Variants in ELP2 observed in about 807,000 individuals in gnomAD.
The protein encoded by ELP2 is elongator acetyltransferase complex subunit 2.
ELP2 carries 90 observed loss-of-function variants against 119.2 expected under a neutral mutation model. The ratio of observed to expected loss-of-function variants is 0.75; its 90% CI spans 0.64 to 0.90. ELP2 has a LOEUF of 0.90. ELP2 is among the 40% of genes least tolerant of loss of function. ELP2 has a pLI of 0.00. For missense variants in ELP2, 921 were observed against 967.8 expected (o/e 0.95, Z 0.64); for synonymous variants, 339 against 331.0 (o/e 1.02, Z -0.26).
chr18:36,144,591 T>C (rs1015704387), intron 8 of ELP2, among the ~76,000 whole-genome samples: 2 of 152,364 alleles, frequency 1.3e-5, no homozygotes, highest in Non-Finnish European at 2.9e-5. Context: ...TATATTCTTA[T>C]AATGAGTGAG....
rs900281168 is a variant in ELP2, at chr18:36,154,852, A to T, written c.1128A>T (p.Arg376Ser). 5 of 1,613,980 alleles carry T rather than the reference A, an allele frequency of 3.1e-6. No homozygotes were observed. In the African/African-American group the frequency reaches 6.7e-5, roughly 22 times the overall value. The change falls in exon 12 of 22, where the codon AGA (arginine) becomes AGT (serine). Residue 376 changes from arginine (R) to serine (S), a missense_variant and splice_region_variant. Arg to Ser is a moderately radical substitution (Grantham distance 110). Coordinates refer to ENST00000358232, the MANE Select transcript of ELP2 (RefSeq NM_018255.4). ...TGATATGAGCACTTCCATTGCAGAGAGAGTGGACTCCAGAGATTGTCATTT... is the reference window on the plus strand; with the variant it reads ...TGATATGAGCACTTCCATTGCAGAGTGAGTGGACTCCAGAGATTGTCATTT... ...HLWKQNTVNP[R>S]EWTPEIVISG...
intron 11 of ELP2, among the ~76,000 whole-genome samples, chr18:36,148,759 G>A (rs1450663714): frequency 6.6e-6 from 1 of 152,236 alleles, no homozygotes; most frequent in South Asian, 2.1e-4. Flanking sequence ...GCCTGTGGTC[G>A]CAGCTACTTG....
chr18:36,142,403 C>A, intron 7 of ELP2, 56 bp downstream of exon 7: 1 of 1,371,380 alleles, frequency 7.3e-7, no homozygotes, highest in Non-Finnish European at 1.0e-6. Context: ...GTGTTACTTC[C>A]AAGAAAGCAG....
intron 18 of ELP2, among the ~76,000 whole-genome samples, chr18:36,165,911 C>T (rs189090262): frequency 6.6e-5 from 10 of 151,844 alleles, no homozygotes; most frequent in East Asian, 5.8e-4. Context: ...TAAAGTTGGA[C>T]GGGTGCGGTG....
At chr18:36,146,088 T>C in intron 10 of ELP2, 40 bp downstream of exon 10, 3 of 1,599,542 alleles carry the variant, frequency 1.9e-6, no homozygotes, top group Non-Finnish European at 2.6e-6. Context: ...AAATTAAGTT[T>C]TGAACTCTGT....
intron 6 of ELP2, 151 bp from the exon 7 acceptor site, chr18:36,142,130 C>G: frequency 5.8e-6 from 4 of 695,460 alleles, no homozygotes; most frequent in Non-Finnish European, 1.0e-5. Context: ...ATGGGTTTTT[C>G]ATTCCCAAAG....
chr18:36,167,254 A>C, intron 19 of ELP2, 32 bp downstream of exon 19: 4 of 1,469,852 alleles, frequency 2.7e-6, no homozygotes, highest in Non-Finnish European at 2.8e-6. Context: ...ATTTTTTCAA[A>C]TGTAAAAATA....
At chr18:36,172,266 C>A (rs370097686) in intron 21 of ELP2, among the ~76,000 whole-genome samples, 1 of 152,028 alleles carries the variant, frequency 6.6e-6, no homozygotes, top group Non-Finnish European at 1.5e-5. Flanking sequence ...CTGTCCCCCC[C>A]AAAAAAGTAT....
chr18:36,158,456 G>A (rs981587710), intron 13 of ELP2: 2 of 189,806 alleles, frequency 1.1e-5, no homozygotes, highest in East Asian at 2.7e-4. Flanking sequence ...GGATGTGCCT[G>A]TGAGATTATC....
chr18:36,131,408 A>G (rs963718245), intron 1 of ELP2, among the ~76,000 whole-genome samples: 6 of 152,240 alleles, frequency 3.9e-5, no homozygotes, highest in Non-Finnish European at 7.3e-5. Context: ...CATCTCCCAC[A>G]GCGTCTCCTC....
At chr18:36,135,620 A>G (rs758019514) in intron 2 of ELP2, among the ~76,000 whole-genome samples, 17 of 152,318 alleles carry the variant, frequency 1.1e-4, no homozygotes, top group Non-Finnish European at 1.5e-4. Flanking sequence ...AGAAGTTGCA[A>G]GTATTTAAAA....
At position 36,146,027 on chromosome 18, in the gene ELP2, G is replaced by T. The variant is rs200196680; in HGVS notation, c.972G>T (p.Glu324Asp). ...TGATTCTCTGGGCTCCAGATGAAGA[G>T]TCAGGAGTTTGGCTAGAACAGGTAA... ...KTMILWAPDE[E>D]SGVWLEQVRV... The change falls in exon 10 of 22, where the codon GAG becomes GAT. Residue 324 changes from glutamate to aspartate, a missense_variant. Physicochemically the swap from Glu to Asp is conservative, Grantham distance 45. Coordinates refer to ENST00000358232, the MANE Select transcript of ELP2 (RefSeq NM_018255.4). 2.5e-6 allele frequency: 4 copies of T among 1,614,006 alleles called. No individual in the cohort carries two copies. The Admixed American group carries it at 6.7e-5, about 27-fold the overall frequency.
chr18:36,140,457 C>G (rs1466436043), intron 5 of ELP2, among the ~76,000 whole-genome samples: 1 of 152,108 alleles, frequency 6.6e-6, no homozygotes, highest in Non-Finnish European at 1.5e-5. Flanking sequence ...AGTGATTTTC[C>G]TGCTTCAGCC....
chr18:36,145,324 A>G, intron 9 of ELP2: 1 of 376,370 alleles, frequency 2.7e-6, no homozygotes, highest in South Asian at 2.5e-5. Flanking sequence ...GGGATTGAAG[A>G]AAAACTGACT....
chr18:36,175,520 T>G lies in ELP2; in HGVS notation c.*879T>G, dbSNP rs1333488568. 1 of 152,242 alleles carries G rather than the reference T, an allele frequency of 6.6e-6. No individual in the cohort carries two copies. The highest frequency in any genetic ancestry group is 1.5e-5 in the Non-Finnish European group (1 of 68,040). 9.4% of individuals were successfully genotyped at this position (152,242 alleles called of 1,614,324 possible). A position where few individuals can be genotyped will look rare whatever the true frequency, so the allele number is the denominator to read the frequency against. ...GGGCTTTACTGAAAGTAAAATATCC[T>G]GACATTTAAACTGACAGATGTAGGA... On this transcript the variant is annotated 3_prime_UTR_variant, in exon 22 of 22. Transcript: ENST00000358232.
chr18:36,130,071 G>GGTAA lies in ELP2; in HGVS notation c.138+2_138+5dup. ...GCTCCGTGGTGCTCTATGACCCCCT[G>GGTAA]GTAAGAGAGGTCGCTGGACGGCCGA... is the stretch of plus-strand genomic sequence containing the variant. On this transcript the variant is annotated frameshift_variant and splice_region_variant. Coordinates refer to ENST00000358232, the MANE Select transcript of ELP2 (RefSeq NM_018255.4). LOFTEE classifies it high-confidence loss of function. The GGTAA allele has an allele frequency of 6.2e-7, 1 of 1,614,162 alleles. No individual in the cohort carries two copies. Among genetic ancestry groups the GGTAA allele is most frequent in the Non-Finnish European group, 8.5e-7 (1 of 1,180,030 alleles).
chr18:36,160,269 A>AT (rs1275568384), intron 16 of ELP2, among the ~76,000 whole-genome samples: 1 of 151,982 alleles, frequency 6.6e-6, no homozygotes, highest in African/African-American at 2.4e-5. Context: ...AACAATATAT[A>AT]TTTTTTCTTT....
chr18:36,130,181 C>T, intron 1 of ELP2, 110 bp downstream of exon 1: 1 of 1,437,806 alleles, frequency 7.0e-7, no homozygotes, highest in South Asian at 1.2e-5. Flanking sequence ...CGAGTCGGGT[C>T]GGCTCAGGGG....
chr18:36,175,797 T>A lies in ELP2; in HGVS notation c.*1156T>A, dbSNP rs573708232. On this transcript the variant is annotated 3_prime_UTR_variant, in exon 22 of 22. Transcript: ENST00000358232. ...TGAGCAGGGGACTACTCCAGCCCTG[T>A]TGGAACATAGAGCCATTTGGCAGAT... 2.0e-5 allele frequency: 3 copies of A among 152,080 alleles called. No homozygotes were observed. The East Asian group carries it at 5.8e-4, about 29-fold the overall frequency. The allele number at this position is 152,080 out of a possible 1,614,324, so 9.4% of individuals were successfully genotyped here. A position where few individuals can be genotyped will look rare whatever the true frequency, so the allele number is the denominator to read the frequency against.
Sources: allele counts gnomAD v4.1 joint callset (sites outside exome capture counted in the v4.1 genomes callset), GRCh38; gene constraint gnomAD v4.1.1; transcripts MANE v1.5; gene names NCBI Gene and HGNC (gene_info 2026-07-23, HGNC 2026-07-21).